UBR3: variants seen among roughly 807,000 people sequenced by gnomAD.
UBR3 encodes the protein E3 ubiquitin-protein ligase UBR3.
Under a neutral mutation model 243.2 loss-of-function variants are expected in UBR3, and 85 were observed. The ratio of observed to expected loss-of-function variants is 0.35; its 90% CI spans 0.29 to 0.42. UBR3 has a LOEUF of 0.42. Among genes scored for constraint, UBR3 ranks in the 10% least tolerant of loss-of-function variants. The probability of loss-of-function intolerance (pLI) is 1.00; values close to 1 mark genes in which losing one functional copy is unlikely to be tolerated. For missense variants in UBR3, 1,686 were observed against 2,300.8 expected (o/e 0.73, Z 5.47); for synonymous variants, 748 against 799.8 (o/e 0.94, Z 1.09).
intron 24 of UBR3, among the ~76,000 whole-genome samples, chr2:169,962,823 G>A (rs1416532552): frequency 6.6e-6 from 1 of 151,916 alleles, no homozygotes; most frequent in African/African-American, 2.4e-5. Context: ...CTTTCATGTT[G>A]CTAGTTTTCC....
rs1157885283 is a variant in UBR3 at position 169,947,637 on chromosome 2, AAG to A, written c.3009_3010del (p.Arg1003SerfsTer7). On this transcript the variant is annotated frameshift_variant, in exon 22 of 39. Coordinates refer to ENST00000272793, the MANE Select transcript of UBR3 (RefSeq NM_172070.4). LOFTEE classifies it high-confidence loss of function. ...GACACTTTATAAACTATGTTAGAGT[AAG>A]AGTTCCAGAGACTGCTCCTGAAGTA... is the stretch of plus-strand genomic sequence containing the variant. ...MRHFINYVRV[R>X]VPETAPEVKR... 1 of 1,542,834 alleles carries A rather than the reference AAG, an allele frequency of 6.5e-7. No individual in the cohort carries two copies. Among genetic ancestry groups the A allele is most frequent in the Non-Finnish European group, 8.7e-7 (1 of 1,142,894 alleles).
Position 170,063,431 on chromosome 2 carries a change from C to T in UBR3, c.5019+1988C>T, listed in dbSNP as rs116618561. The stretch of plus-strand genomic sequence containing the variant: ...AGAGCTTTAGATAGAAATTTGTTCT[C>T]CTTTTATTTAGTTTCTGTCATCTGT... On this transcript the variant is annotated intron_variant, in intron 35 of 38. Coordinates refer to ENST00000272793, the MANE Select transcript of UBR3 (RefSeq NM_172070.4). 5.5e-3 allele frequency among the ~76,000 whole-genome samples: 836 copies of T among 151,702 alleles called. 6 individuals are homozygous for T. The highest frequency in any genetic ancestry group is 0.019 in the African/African-American group (787 of 41,360).
chr2:169,849,900 A>G (rs979151989), intron 1 of UBR3, among the ~76,000 whole-genome samples: 2 of 152,166 alleles, frequency 1.3e-5, no homozygotes, highest in African/African-American at 2.4e-5. Flanking sequence ...GCAGGTGGGG[A>G]TCTGCATGTT....
intron 31 of UBR3, among the ~76,000 whole-genome samples, chr2:170,035,783 T>C (rs1270050291): frequency 1.3e-5 from 2 of 151,990 alleles, no homozygotes; most frequent in African/African-American, 4.8e-5. Context: ...TGAGTCTTCC[T>C]ACTCATGAAC....
intron 38 of UBR3, 74 bp from the exon 39 acceptor site, chr2:170,081,652 A>G (rs2091909262): frequency 8.3e-7 from 1 of 1,198,600 alleles, no homozygotes; most frequent in Admixed American, 2.4e-5. Flanking sequence ...CTGTCTCAGA[A>G]AAAAAAGAAG....
intron 20 of UBR3, among the ~76,000 whole-genome samples, chr2:169,945,259 G>A (rs960322942): frequency 2.0e-5 from 3 of 151,854 alleles, no homozygotes; most frequent in Non-Finnish European, 4.4e-5. Flanking sequence ...GGTCAACTAG[G>A]AATAGACAGA....
chr2:169,901,959 T>C (rs2084839559), intron 8 of UBR3, among the ~76,000 whole-genome samples: 1 of 152,230 alleles, frequency 6.6e-6, no homozygotes, highest in African/African-American at 2.4e-5. Context: ...TTGAACTATA[T>C]TGTTTGGATG....
chr2:169,827,595 G>A lies in UBR3; in HGVS notation c.88G>A (p.Ala30Thr). ...GCCGGGGCTGGCCCTAGACAAGGCG[G>A]CCACCGCCGCGCACCTCAAGGCGGC... ...PAPGLALDKA[A>T]TAAHLKAALS... The change falls in exon 1 of 39, where the codon GCC (alanine) becomes ACC (threonine). Residue 30 changes from alanine (A) to threonine (T), a missense_variant. Physicochemically the swap from Ala to Thr is moderately conservative, Grantham distance 58. Coordinates refer to ENST00000272793, the MANE Select transcript of UBR3 (RefSeq NM_172070.4). 1.6e-6 allele frequency: 2 copies of A among 1,254,492 alleles called. No individual in the cohort carries two copies. Among genetic ancestry groups the A allele is most frequent in the Non-Finnish European group, 2.0e-6 (2 of 1,001,728 alleles). 77.7% of individuals were successfully genotyped at this position (1,254,492 alleles called of 1,614,324 possible).
intron 1 of UBR3, among the ~76,000 whole-genome samples, chr2:169,836,019 CTCTCTCTCTCTCTCTCTCTCTCTCTATA>C (rs1157103439): frequency 1.4e-4 from 4 of 27,858 alleles, no homozygotes; most frequent in African/African-American, 2.4e-4. Flanking sequence ...CTCTCTCTCT[CTCTCTCTCTCTCTCTCTCTCTCTCTATA>C]TATATATATA....
chr2:170,032,464 A>G (rs773103581), intron 31 of UBR3, among the ~76,000 whole-genome samples: 1 of 151,954 alleles, frequency 6.6e-6, no homozygotes, highest in Non-Finnish European at 1.5e-5. Context: ...GTTGCAGTAA[A>G]GTACTGTGTA....
At chr2:169,968,322 G>A (rs940323571) in intron 24 of UBR3, among the ~76,000 whole-genome samples, 6 of 151,984 alleles carry the variant, frequency 3.9e-5, no homozygotes, top group African/African-American at 4.8e-5. Context: ...ATGTTTGTAC[G>A]CATTAACCAA....
chr2:169,855,744 C>A (rs1378543401), intron 1 of UBR3, among the ~76,000 whole-genome samples: 2 of 152,250 alleles, frequency 1.3e-5, no homozygotes, highest in African/African-American at 4.8e-5. Context: ...CCTATGTCTA[C>A]TTCTTTCCAC....
chr2:169,845,600 T>C (rs2082453078), intron 1 of UBR3, among the ~76,000 whole-genome samples: 1 of 150,270 alleles, frequency 6.7e-6, no homozygotes, highest in Non-Finnish European at 1.5e-5. Flanking sequence ...TTTCTTTTTT[T>C]TGAGATGGGG....
At chr2:169,845,542 CTTCTTCTTCT>C (rs1336965330) in intron 1 of UBR3, among the ~76,000 whole-genome samples, 6 of 141,008 alleles carry the variant, frequency 4.3e-5, no homozygotes, top group African/African-American at 1.5e-4. Flanking sequence ...TCTTCTTCTT[CTTCTTCTTCT>C]TTCTTCTTCT....
rs1302003711 is a variant in UBR3 at position 169,924,150 on chromosome 2, A to G, written c.1999A>G (p.Met667Val). ...LPDQEMLMKLMIHPLQIQASL... is the reference protein window; with the variant it reads ...LPDQEMLMKLVIHPLQIQASL... Reference sequence around the variant, plus strand: ...AGATCAGGAAATGTTAATGAAACTAATGATTCACCCACTCCAAATTCAAGT... The same window carrying G: ...AGATCAGGAAATGTTAATGAAACTAGTGATTCACCCACTCCAAATTCAAGT... The change falls in exon 13 of 39, where the codon ATG (methionine) becomes GTG (valine). Residue 667 changes from methionine to valine, a missense_variant. Physicochemically the swap from Met to Val is conservative, Grantham distance 21. Coordinates refer to ENST00000272793, the MANE Select transcript of UBR3 (RefSeq NM_172070.4). 6.5e-7 allele frequency: 1 copy of G among 1,547,764 alleles called. No homozygotes were observed. Among genetic ancestry groups the G allele is most frequent in the Non-Finnish European group, 8.7e-7 (1 of 1,145,884 alleles).
chr2:169,972,054 A>G (rs1368557727), intron 24 of UBR3, among the ~76,000 whole-genome samples: 8 of 152,188 alleles, frequency 5.3e-5, no homozygotes, highest in Non-Finnish European at 1.0e-4. Flanking sequence ...GAAGAATCAA[A>G]TAGACGCAGT....
At chr2:169,955,906 A>G (rs1351203772) in intron 23 of UBR3, among the ~76,000 whole-genome samples, 1 of 151,822 alleles carries the variant, frequency 6.6e-6, no homozygotes, top group Non-Finnish European at 1.5e-5. Context: ...ACCCCAGTCC[A>G]TGTGTTTATT....
At chr2:169,983,564 C>T (rs2088856696) in intron 24 of UBR3, among the ~76,000 whole-genome samples, 1 of 152,054 alleles carries the variant, frequency 6.6e-6, no homozygotes, top group Admixed American at 6.6e-5. Context: ...GCCCATCCTC[C>T]ACATTCTCTT....
chr2:170,062,343 A>ATATT (rs2091473211), intron 35 of UBR3, among the ~76,000 whole-genome samples: 2 of 152,172 alleles, frequency 1.3e-5, no homozygotes, highest in African/African-American at 4.8e-5. Flanking sequence ...AACATTTATC[A>ATATT]TATTTATGGC....
Sources: allele counts gnomAD v4.1 joint callset (sites outside exome capture counted in the v4.1 genomes callset), GRCh38; gene constraint gnomAD v4.1.1; transcripts MANE v1.5; gene names NCBI Gene and HGNC (gene_info 2026-07-23, HGNC 2026-07-21).